ATP5MF: variants seen among roughly 807,000 people sequenced by gnomAD.
ATP5MF encodes the protein ATP synthase membrane subunit f.
In ATP5MF, 10 loss-of-function variants were observed where a neutral mutation model predicts 13.8. The observed-to-expected ratio is 0.72, with a 90% CI of 0.45 to 1.23. The LOEUF is 1.23. Ranked by LOEUF, ATP5MF falls within the 50% of genes most tolerant of loss-of-function variation. The pLI, the probability that ATP5MF is intolerant of heterozygous loss-of-function variation, is 0.00. For synonymous variants in ATP5MF, 40 were observed against 45.8 expected (o/e 0.87, Z 0.51); for missense variants, 122 against 118.2 (o/e 1.03, Z -0.15).
chr7:99,459,176 A>G lies in ATP5MF; in HGVS notation c.227T>C (p.Phe76Ser). Residue 76 changes from phenylalanine to serine, a missense_variant, in exon 3 of 4, where the codon TTT becomes TCT. Transcript: ENST00000292475. Reference sequence around the variant, plus strand: ...ATGCTTGTAGGAAAAGGAGTAGCTAAAGAGCACGTAGCATGCCAGCACCAT... The same window carrying G: ...ATGCTTGTAGGAAAAGGAGTAGCTAGAGAGCACGTAGCATGCCAGCACCAT... Reference protein sequence around the residue: ...ITMVLACYVLFSYSFSYKHLK... With the variant: ...ITMVLACYVLSSYSFSYKHLK... 3 of 1,614,036 alleles carry G rather than the reference A, an allele frequency of 1.9e-6. No homozygotes were observed. Among genetic ancestry groups the G allele is most frequent in the Non-Finnish European group, 2.5e-6 (3 of 1,179,990 alleles).
In ATP5MF at chr7:99,466,130, A is replaced by G; in HGVS notation, c.12T>C (p.Val4=). The G allele has an allele frequency of 6.2e-7, 1 of 1,614,154 alleles. No individual in the cohort carries two copies. The highest frequency in any genetic ancestry group is 8.5e-7 in the Non-Finnish European group (1 of 1,180,012). Residue 4 remains valine, a synonymous_variant, in exon 1 of 4, where the codon GTT becomes GTC. Transcript: ENST00000292475. ...CCTTACCTGGGGCCGGACACTCACC[A>G]ACTGACGCCATTTTGGAGTCCTGGT... MAS[V]GECPAPVPVK... is the part of the protein sequence containing the mutation.
intron 1 of ATP5MF, among the ~76,000 whole-genome samples, chr7:99,461,498 C>T (rs1798598744): frequency 6.6e-6 from 1 of 152,160 alleles, no homozygotes; most frequent in Admixed American, 6.5e-5. Flanking sequence ...GTTTCTTCTC[C>T]ATTTTGAGAT....
chr7:99,464,803 T>A (rs1270490071), intron 1 of ATP5MF, among the ~76,000 whole-genome samples: 4 of 149,414 alleles, frequency 2.7e-5, no homozygotes, highest in African/African-American at 9.9e-5. Context: ...CTACTAAAAA[T>A]ACAAAAAAAA....
In ATP5MF at chr7:99,460,140, A is replaced by G; in HGVS notation, c.85T>C (p.Trp29Arg). 1 of 1,614,212 alleles carries G rather than the reference A, an allele frequency of 6.2e-7. No homozygotes were observed. The highest frequency in any genetic ancestry group is 1.7e-5 in the Admixed American group (1 of 60,020). ...GGACTGAAGTCCCGCATCAAGATCC[A>G]GCTTGGCAGCTCCCCCAGTTTGACC... is the stretch of plus-strand genomic sequence containing the variant. ...LEVKLGELPS[W>R]ILMRDFSPSG... Residue 29 changes from tryptophan to arginine, a missense_variant, in exon 2 of 4, where the codon TGG (tryptophan) becomes CGG (arginine). Trp to Arg is a moderately radical substitution (Grantham distance 101, BLOSUM62 -3). Coordinates refer to ENST00000292475, the MANE Select transcript of ATP5MF (RefSeq NM_004889.5).
intron 2 of ATP5MF, chr7:99,459,581 T>C: frequency 3.3e-6 from 1 of 305,226 alleles, no homozygotes; most frequent in South Asian, 3.7e-5. Context: ...AGCTAATTTT[T>C]CTTGTGTGGT....
intron 1 of ATP5MF, among the ~76,000 whole-genome samples, chr7:99,464,489 C>G (rs989434348): frequency 3.9e-5 from 6 of 152,138 alleles, no homozygotes; most frequent in African/African-American, 1.4e-4. Context: ...CAGTGAAACC[C>G]TGTCTCTACT....
chr7:99,460,322 C>G, intron 1 of ATP5MF, 129 bp from the exon 2 acceptor site: 1 of 1,002,960 alleles, frequency 1.0e-6, no homozygotes, highest in Non-Finnish European at 1.5e-6. Flanking sequence ...GCTGCACATA[C>G]ACAATATTAT....
At chr7:99,458,748 C>T (rs1159514349) in intron 3 of ATP5MF, among the ~76,000 whole-genome samples, 1 of 152,136 alleles carries the variant, frequency 6.6e-6, no homozygotes, top group African/African-American at 2.4e-5. Flanking sequence ...CAATCTCCCA[C>T]CAGACAAGCT....
chr7:99,463,451 A>AC (rs1162638284), intron 1 of ATP5MF, among the ~76,000 whole-genome samples: 2 of 152,094 alleles, frequency 1.3e-5, no homozygotes, highest in Admixed American at 1.3e-4. Flanking sequence ...GGAGTTTGAG[A>AC]CCCCATCTCT....
At chr7:99,459,518 T>A (rs1798502277) in intron 2 of ATP5MF, 1 of 445,316 alleles carries the variant, frequency 2.2e-6, no homozygotes, top group Non-Finnish European at 4.1e-6. Context: ...CCTTTGGCTG[T>A]GAGCTTATAG....
At chr7:99,463,357 T>G (rs1276161958) in intron 1 of ATP5MF, among the ~76,000 whole-genome samples, 3 of 152,182 alleles carry the variant, frequency 2.0e-5, no homozygotes, top group Non-Finnish European at 4.4e-5. Context: ...AACAATCTTT[T>G]TAAAAACAGA....
At chr7:99,459,370 T>TTAAACAGCCAGA in intron 2 of ATP5MF, 107 bp from the exon 3 acceptor site, 1 of 821,970 alleles carries the variant, frequency 1.2e-6, no homozygotes, top group Non-Finnish European at 2.1e-6. Context: ...CTGCTCTGGC[T>TTAAACAGCCAGA]GTTTAAGCCC....
intron 3 of ATP5MF, 38 bp downstream of exon 3, chr7:99,459,109 C>A: frequency 6.6e-7 from 1 of 1,508,216 alleles, no homozygotes. Flanking sequence ...ACCACCCTCT[C>A]ATGGGAACTA....
In ATP5MF at chr7:99,459,531, T is replaced by G. The variant is rs143042951; in HGVS notation, c.140-268A>C. On this transcript the variant is annotated intron_variant, in intron 2 of 3. Transcript: ENST00000292475. Reference sequence around the variant, plus strand: ...CCCCTTTGGCTGTGAGCTTATAGCCTCCTGAGTAGCTGGGACTACAGGCAT... The same window carrying G: ...CCCCTTTGGCTGTGAGCTTATAGCCGCCTGAGTAGCTGGGACTACAGGCAT... The G allele has an allele frequency of 1.5e-3, 634 of 413,564 alleles. 11 individuals carry two copies. The East Asian group carries it at 0.027, about 18-fold the overall frequency. The allele number at this position is 413,564 out of a possible 1,614,324, so 25.6% of individuals were successfully genotyped here. A position where few individuals can be genotyped will look rare whatever the true frequency, so the allele number is the denominator to read the frequency against.
At chr7:99,462,346 T>C (rs2151029629) in intron 1 of ATP5MF, among the ~76,000 whole-genome samples, 1 of 146,324 alleles carries the variant, frequency 6.8e-6, no homozygotes, top group Non-Finnish European at 1.5e-5. Flanking sequence ...CGGGCGCCTG[T>C]AGTCCTAGCT....
intron 1 of ATP5MF, chr7:99,460,601 C>CA: frequency 2.1e-6 from 1 of 482,690 alleles, no homozygotes; most frequent in South Asian, 1.5e-5. Context: ...GGGATAGACT[C>CA]AGAGAGGTTG....
chr7:99,462,562 G>T (rs1055319339), intron 1 of ATP5MF, among the ~76,000 whole-genome samples: 4 of 152,102 alleles, frequency 2.6e-5, no homozygotes, highest in African/African-American at 4.8e-5. Context: ...AGATCACGAG[G>T]TCAGGAGTTC....
At chr7:99,464,637 T>A (rs1038298666) in intron 1 of ATP5MF, among the ~76,000 whole-genome samples, 3 of 151,980 alleles carry the variant, frequency 2.0e-5, no homozygotes, top group African/African-American at 7.3e-5. Flanking sequence ...CACTCCAGCC[T>A]GGGCGACAGA....
intron 1 of ATP5MF, among the ~76,000 whole-genome samples, chr7:99,463,966 G>A (rs929119341): frequency 2.0e-5 from 3 of 151,984 alleles, no homozygotes; most frequent in Non-Finnish European, 2.9e-5. Flanking sequence ...TTTGTCCTCT[G>A]GTGACAGACA....
Sources: allele counts gnomAD v4.1 joint callset (sites outside exome capture counted in the v4.1 genomes callset), GRCh38; gene constraint gnomAD v4.1.1; transcripts MANE v1.5; gene names NCBI Gene and HGNC (gene_info 2026-07-23, HGNC 2026-07-21).